Variants in RARB observed in about 807,000 individuals in gnomAD.
RARB encodes HBV-activated protein.
Under a neutral mutation model 51.9 loss-of-function variants are expected in RARB, and 17 were observed. That is an observed-to-expected ratio of 0.33 (90% CI 0.22 to 0.49). The LOEUF is 0.49. RARB is among the 20% of genes least tolerant of loss of function. RARB has a pLI of 0.99. For missense variants in RARB, 369 were observed against 550.8 expected (o/e 0.67, Z 3.30); for synonymous variants, 215 against 195.4 (o/e 1.10, Z -0.84).
chr3:24,843,708 T>G (rs1388891066), intron 1 of RARB, among the ~76,000 whole-genome samples: 1 of 152,146 alleles, frequency 6.6e-6, no homozygotes, highest in East Asian at 1.9e-4. Context: ...AATGCAGAAC[T>G]AGGGCTCAAC....
intron 3 of RARB, among the ~76,000 whole-genome samples, chr3:25,534,019 T>C (rs2125646792): frequency 6.6e-6 from 1 of 152,344 alleles, no homozygotes; most frequent in Non-Finnish European, 1.5e-5. Flanking sequence ...TCTAGCAATT[T>C]AAGAAATGCT....
chr3:25,474,930 A>G (rs1312767188), intron 2 of RARB, among the ~76,000 whole-genome samples: 2 of 152,182 alleles, frequency 1.3e-5, no homozygotes, highest in Non-Finnish European at 2.9e-5. Context: ...CATGTTGTGT[A>G]CAGTATACAT....
intron 5 of RARB, among the ~76,000 whole-genome samples, chr3:25,252,186 C>T (rs1452310833): frequency 6.6e-6 from 1 of 152,128 alleles, no homozygotes; most frequent in East Asian, 1.9e-4. Context: ...GTGCTTACTT[C>T]TGGACTACAC....
chr3:25,325,195 C>T (rs1256324342), intron 5 of RARB, among the ~76,000 whole-genome samples: 5 of 152,226 alleles, frequency 3.3e-5, no homozygotes, highest in African/African-American at 9.6e-5. Flanking sequence ...AGTGTAGCTT[C>T]CTGATGTTGC....
chr3:25,585,432 C>T (rs565911751), intron 5 of RARB, among the ~76,000 whole-genome samples: 3 of 152,188 alleles, frequency 2.0e-5, no homozygotes, highest in Non-Finnish European at 4.4e-5. Flanking sequence ...AACAAATTTT[C>T]GGATGAGAAA....
chr3:25,585,310 G>A (rs79829574), intron 5 of RARB, among the ~76,000 whole-genome samples: 1,933 of 152,248 alleles, frequency 0.013, 46 homozygotes, highest in African/African-American at 0.044. Context: ...CATTTTGCAG[G>A]TGAGGCAGCT....
At chr3:25,380,653 T>G (rs1706598248) in intron 5 of RARB, among the ~76,000 whole-genome samples, 1 of 152,100 alleles carries the variant, frequency 6.6e-6, no homozygotes, top group African/African-American at 2.4e-5. Flanking sequence ...TCAAATGGCG[T>G]TTCCTGTATT....
chr3:25,340,069 T>C (rs1252380340), intron 5 of RARB, among the ~76,000 whole-genome samples: 2 of 152,148 alleles, frequency 1.3e-5, no homozygotes, highest in East Asian at 3.9e-4. Flanking sequence ...GTACAGAGCA[T>C]GTAAAGCGAA....
At chr3:25,556,102 G>T (rs990849748) in intron 3 of RARB, among the ~76,000 whole-genome samples, 27 of 151,990 alleles carry the variant, frequency 1.8e-4, no homozygotes, top group African/African-American at 6.0e-4. Flanking sequence ...TGTAAGCTAT[G>T]CAGAGAATGG....
At chr3:25,192,693 T>C (rs1038369303) in intron 5 of RARB, among the ~76,000 whole-genome samples, 1 of 152,046 alleles carries the variant, frequency 6.6e-6, no homozygotes, top group Non-Finnish European at 1.5e-5. Context: ...TTTTGGCATC[T>C]GTACTGCCTC....
intron 2 of RARB, among the ~76,000 whole-genome samples, chr3:24,936,847 C>G (rs903517122): frequency 6.6e-6 from 1 of 152,086 alleles, no homozygotes; most frequent in African/African-American, 2.4e-5. Flanking sequence ...AGAATACTGA[C>G]CTATAATTAA....
At chr3:25,087,073 A>T (rs1237556625) in intron 3 of RARB, among the ~76,000 whole-genome samples, 1 of 152,094 alleles carries the variant, frequency 6.6e-6, no homozygotes, top group East Asian at 1.9e-4. Context: ...GGGGTAATAT[A>T]ATTCGATTTT....
chr3:25,421,240 C>T (rs180692052), intron 5 of RARB, among the ~76,000 whole-genome samples: 5 of 151,966 alleles, frequency 3.3e-5, no homozygotes, highest in African/African-American at 1.2e-4. Context: ...ATATTTGCAG[C>T]CCCTACCCCC....
intron 3 of RARB, among the ~76,000 whole-genome samples, chr3:25,556,943 G>A (rs1327609257): frequency 2.0e-5 from 3 of 152,134 alleles, no homozygotes; most frequent in Non-Finnish European, 2.9e-5. Context: ...TCAAAGCCAA[G>A]GGCAAGGAAT....
chr3:25,379,979 G>T (rs1169539681), intron 5 of RARB, among the ~76,000 whole-genome samples: 2 of 152,194 alleles, frequency 1.3e-5, no homozygotes, highest in Non-Finnish European at 2.9e-5. Context: ...CTGAAAGACT[G>T]CAGAAAGAAT....
intron 5 of RARB, among the ~76,000 whole-genome samples, chr3:25,297,047 T>G (rs1272084820): frequency 3.3e-5 from 5 of 152,176 alleles, no homozygotes; most frequent in South Asian, 4.1e-4. Flanking sequence ...GATTCTACAA[T>G]GGCTAAAGAC....
chr3:25,209,742 A>G (rs1385008832), intron 5 of RARB, among the ~76,000 whole-genome samples: 1 of 152,032 alleles, frequency 6.6e-6, no homozygotes, highest in African/African-American at 2.4e-5. Context: ...AAAAAAAAAG[A>G]CCAAGTTCTC....
At chr3:25,154,905 C>T (rs1700349749) in intron 4 of RARB, among the ~76,000 whole-genome samples, 1 of 152,162 alleles carries the variant, frequency 6.6e-6, no homozygotes, top group Non-Finnish European at 1.5e-5. Flanking sequence ...CTGTGAGCTA[C>T]TTGGGAGGAA....
At position 25,594,688 on chromosome 3, in the gene RARB, C is replaced by A. The variant is rs371637084; in HGVS notation, c.1150+10C>A. On this transcript the variant is annotated intron_variant, in intron 7 of 7. Transcript: ENST00000330688. ...AGCATCAGTGCTAAAGGTATGTCTTCGTGCTCTCAGTACTGTAGTCACACA... is the reference window on the plus strand; with the variant it reads ...AGCATCAGTGCTAAAGGTATGTCTTAGTGCTCTCAGTACTGTAGTCACACA... 8.1e-6 allele frequency: 13 copies of A among 1,605,192 alleles called. No homozygotes were observed. Among genetic ancestry groups the A allele is most frequent in the Non-Finnish European group, 1.0e-5 (12 of 1,176,650 alleles).
Sources: allele counts gnomAD v4.1 joint callset (sites outside exome capture counted in the v4.1 genomes callset), GRCh38; gene constraint gnomAD v4.1.1; transcripts MANE v1.5; gene names NCBI Gene and HGNC (gene_info 2026-07-23, HGNC 2026-07-21).